PHKA1: variants seen among roughly 807,000 people sequenced by gnomAD.
PHKA1 encodes phosphorylase b kinase regulatory subunit alpha, skeletal muscle isoform.
A neutral mutation model predicts 110.2 loss-of-function variants in PHKA1; 60 were observed. The observed-to-expected ratio is 0.54, with a 90% confidence interval of 0.44 to 0.68. The LOEUF is 0.68. PHKA1 is among the 30% of genes least tolerant of loss of function. The pLI is 0.00. For missense variants in PHKA1, 801 were observed against 942.5 expected, an observed-to-expected ratio of 0.85 and a Z score of 1.97; for synonymous variants, 316 against 333.6, an observed-to-expected ratio of 0.95 and a Z score of 0.58.
intron 6 of PHKA1, among the ~76,000 whole-genome samples, chrX:72,670,273 T>C (rs1291776056): frequency 4.5e-5 from 5 of 111,897 alleles, no homozygotes; most frequent in Admixed American, 9.5e-5. Flanking sequence ...TTCTGGATAT[T>C]AGCCCTTTGT....
In PHKA1 at chrX:72,611,196, A is replaced by G. The variant is rs782138370; in HGVS notation, c.2370-12T>C. ...TCCAGTCAGGTCCTCTAGAATTTTA[A>G]CGACAGGACTACATCAGTTTTAAGT... On this transcript the variant is annotated splice_polypyrimidine_tract_variant and intron_variant, in intron 21 of 31. Transcript: ENST00000373542. The G allele has an allele frequency of 3.4e-6, 4 of 1,179,675 alleles. No individual in the cohort carries two copies. Among genetic ancestry groups the G allele is most frequent in the South Asian group, 3.6e-5 (2 of 56,195 alleles).
intron 14 of PHKA1, 110 bp from the exon 15 acceptor site, chrX:72,636,496 T>C: frequency 2.0e-6 from 1 of 511,861 alleles, no homozygotes; most frequent in East Asian, 3.7e-5. Context: ...TGTATATACA[T>C]ATAGACACAC....
At chrX:72,591,295 A>G (rs781840017) in intron 29 of PHKA1, among the ~76,000 whole-genome samples, 1 of 111,626 alleles carries the variant, frequency 9.0e-6, no homozygotes, top group Non-Finnish European at 1.9e-5. Context: ...CATCATTCTG[A>G]GCAAACTATC....
At chrX:72,582,877 G>A (rs1569421731) in intron 30 of PHKA1, among the ~76,000 whole-genome samples, 1 of 111,650 alleles carries the variant, frequency 9.0e-6, no homozygotes, top group Non-Finnish European at 1.9e-5. Context: ...CCATATAGAA[G>A]AGTACTTATA....
In PHKA1 at chrX:72,652,607, G is replaced by A; in HGVS notation, c.1182C>T (p.Pro394=). 1 of 1,194,753 alleles carries A rather than the reference G, an allele frequency of 8.4e-7. No individual in the cohort carries two copies. The highest frequency in any genetic ancestry group is 1.1e-6 in the Non-Finnish European group (1 of 880,296). Residue 394 remains proline, a synonymous_variant, in exon 12 of 32, where the codon CCC becomes CCT. Transcript: ENST00000373542. Reference sequence around the variant, plus strand: ...CCCACATGTGAGGCAATTTCCCCATGGGGACTCGGTCCACAGTGTGAGGAT... The same window carrying A: ...CCCACATGTGAGGCAATTTCCCCATAGGGACTCGGTCCACAGTGTGAGGAT... ...YQNPHTVDRV[P]MGKLPHMWGQ...
rs200100190 is a variant in PHKA1, at chrX:72,663,546, A to G, written c.864+2605T>C. Among the ~76,000 whole-genome samples the G allele has an allele frequency of 4.5e-5, 5 of 111,313 alleles. No homozygotes were observed. The East Asian group carries it at 1.4e-3, about 31-fold the overall frequency. ...ACTCAAAGTTCCCAAATAGATTCAA[A>G]CCAAAAAATGTTCTCTCAAAGGTGC... On this transcript the variant is annotated intron_variant, in intron 8 of 31. Coordinates refer to ENST00000373542, the MANE Select transcript of PHKA1 (RefSeq NM_002637.4).
intron 8 of PHKA1, chrX:72,660,827 CTTTTG>C (rs1214423928): frequency 1.5e-5 from 3 of 205,910 alleles, no homozygotes; most frequent in Admixed American, 1.2e-4. Context: ...CTATTGTACT[CTTTTG>C]TTTTGGTGGA....
intron 2 of PHKA1, among the ~76,000 whole-genome samples, chrX:72,711,373 G>A (rs2054380104): frequency 9.0e-6 from 1 of 111,401 alleles, no homozygotes; most frequent in African/African-American, 3.3e-5. Context: ...TTTGGGGGAG[G>A]GGAGTGGGCA....
intron 21 of PHKA1, among the ~76,000 whole-genome samples, chrX:72,615,853 C>A (rs1556268535): frequency 9.1e-6 from 1 of 109,473 alleles, no homozygotes; most frequent in Non-Finnish European, 1.9e-5. Flanking sequence ...AAGCCCTTAC[C>A]TACCAATAAT....
At chrX:72,628,795 C>A (rs1053512208) in intron 16 of PHKA1, among the ~76,000 whole-genome samples, 22 of 108,231 alleles carry the variant, frequency 2.0e-4, no homozygotes, top group African/African-American at 7.0e-4. Flanking sequence ...GTTGGCCAGG[C>A]TGCTCTCAAA....
chrX:72,687,466 T>C (rs781974626), intron 4 of PHKA1, among the ~76,000 whole-genome samples: 7 of 111,880 alleles, frequency 6.3e-5, no homozygotes, highest in Non-Finnish European at 1.3e-4. Flanking sequence ...AGCCATACCA[T>C]ACAAATGCCA....
At chrX:72,586,996 G>C (rs1264236772) in intron 29 of PHKA1, among the ~76,000 whole-genome samples, 1 of 111,215 alleles carries the variant, frequency 9.0e-6, no homozygotes, top group African/African-American at 3.3e-5. Context: ...GAACCAAGGT[G>C]GAAAACACTC....
At chrX:72,617,342 C>T (rs1027289003) in intron 21 of PHKA1, among the ~76,000 whole-genome samples, 1 of 110,357 alleles carries the variant, frequency 9.1e-6, no homozygotes, top group Admixed American at 9.6e-5. Flanking sequence ...ATAGTAAGAC[C>T]TCATTTCTAT....
intron 15 of PHKA1, among the ~76,000 whole-genome samples, chrX:72,635,980 A>G (rs1320706631): frequency 1.8e-5 from 2 of 112,089 alleles, no homozygotes; most frequent in Non-Finnish European, 3.8e-5. Flanking sequence ...AAGGACACAT[A>G]CAGTTTTATT....
intron 16 of PHKA1, among the ~76,000 whole-genome samples, chrX:72,629,688 C>A (rs1315188099): frequency 9.0e-6 from 1 of 111,079 alleles, no homozygotes; most frequent in Non-Finnish European, 1.9e-5. Flanking sequence ...TCTATTTGTA[C>A]CTCTGTTCTT....
intron 1 of PHKA1, among the ~76,000 whole-genome samples, chrX:72,713,583 A>G (rs2054415170): frequency 9.0e-6 from 1 of 110,844 alleles, no homozygotes; most frequent in African/African-American, 3.3e-5. Flanking sequence ...CAGAAAAAAT[A>G]TATAATTAAC....
intron 28 of PHKA1, among the ~76,000 whole-genome samples, chrX:72,600,221 T>C (rs1285369954): frequency 9.0e-6 from 1 of 110,938 alleles, no homozygotes; most frequent in African/African-American, 3.3e-5. Flanking sequence ...CTCTAAATTA[T>C]AGTCCTAGTG....
chrX:72,601,863 T>C (rs782109657), intron 28 of PHKA1, 128 bp downstream of exon 28: 8 of 534,928 alleles, frequency 1.5e-5, no homozygotes, highest in Non-Finnish European at 2.6e-5. Flanking sequence ...AAATGACTGT[T>C]ATAAAGGCGA....
chrX:72,655,535 A>G (rs782525279), intron 10 of PHKA1, among the ~76,000 whole-genome samples: 3 of 112,994 alleles, frequency 2.7e-5, no homozygotes, highest in Non-Finnish European at 3.7e-5. Context: ...TTCTTTAATG[A>G]ATGGGGAAAA....
Sources: allele counts gnomAD v4.1 joint callset (sites outside exome capture counted in the v4.1 genomes callset), GRCh38; gene constraint gnomAD v4.1.1; transcripts MANE v1.5; gene names NCBI Gene and HGNC (gene_info 2026-07-23, HGNC 2026-07-21).